The following STIM1 variants were observed in gnomAD, a reference collection of about 807,000 sequenced individuals.
STIM1 encodes stromal interaction molecule 1.
STIM1 carries 25 observed loss-of-function variants against 74.7 expected under a neutral mutation model. The observed-to-expected ratio is 0.33, with a 90% CI of 0.24 to 0.47. The LOEUF (loss-of-function observed/expected upper bound fraction) is 0.47. Among genes scored for constraint, STIM1 ranks in the 20% least tolerant of loss-of-function variants. The pLI, the probability that STIM1 is intolerant of heterozygous loss-of-function variation, is 1.00. For missense variants in STIM1, 728 were observed against 920.8 expected, an observed-to-expected ratio of 0.79 and a Z score of 2.71; for synonymous variants, 328 against 348.8, an observed-to-expected ratio of 0.94 and a Z score of 0.66.
intron 1 of STIM1, among the ~76,000 whole-genome samples, chr11:3,883,348 TTTTG>T (rs1180846760): frequency 6.6e-6 from 1 of 152,130 alleles, no homozygotes; most frequent in African/African-American, 2.4e-5. Flanking sequence ...ACACCATTTT[TTTTG>T]TTTGTTTGTT....
chr11:3,897,669 C>A, intron 1 of STIM1, among the ~76,000 whole-genome samples: 1 of 152,028 alleles, frequency 6.6e-6, no homozygotes, highest in South Asian at 2.1e-4. Flanking sequence ...CCCCGCCACG[C>A]CCACCCCACA....
At chr11:4,047,282 C>T (rs2094200595) in intron 3 of STIM1, among the ~76,000 whole-genome samples, 1 of 152,118 alleles carries the variant, frequency 6.6e-6, no homozygotes. Context: ...GAGTTCTAGA[C>T]CAGCCTGGGC....
intron 1 of STIM1, among the ~76,000 whole-genome samples, chr11:3,886,417 G>A (rs915839070): frequency 2.0e-5 from 3 of 152,076 alleles, no homozygotes; most frequent in Non-Finnish European, 4.4e-5. Flanking sequence ...GGCTGGGCGC[G>A]GTGGCTCACG....
Position 4,091,887 on chromosome 11 carries a change from C to T in STIM1, c.*89C>T. 3 of 1,558,974 alleles carry T rather than the reference C, an allele frequency of 1.9e-6. No homozygotes were observed. Among genetic ancestry groups the T allele is most frequent in the South Asian group, 1.1e-5 (1 of 87,740 alleles). ...TCCCTTCCTTCAAGATAACTGGCCC[C>T]AAGAGTGGGGCATGGGAAGGGCTGG... On this transcript the variant is annotated 3_prime_UTR_variant, in exon 13 of 13. Coordinates refer to ENST00000526596, the MANE Select transcript of STIM1 (RefSeq NM_001382567.1).
At chr11:4,012,000 T>C (rs2093841781) in intron 2 of STIM1, among the ~76,000 whole-genome samples, 1 of 152,222 alleles carries the variant, frequency 6.6e-6, no homozygotes. Context: ...CCATTGCTTG[T>C]TTTTGACAGG....
chr11:3,962,123 A>G (rs1162180980), intron 1 of STIM1, among the ~76,000 whole-genome samples: 2 of 152,180 alleles, frequency 1.3e-5, no homozygotes, highest in Admixed American at 1.3e-4. Context: ...GTTTTGTTAC[A>G]TGGGTATATT....
intron 2 of STIM1, among the ~76,000 whole-genome samples, chr11:3,988,820 C>T (rs1249550306): frequency 2.0e-5 from 3 of 152,170 alleles, no homozygotes; most frequent in Non-Finnish European, 2.9e-5. Context: ...GCTGCTGACT[C>T]CATATTGTCA....
intron 12 of STIM1, among the ~76,000 whole-genome samples, chr11:4,089,953 CCT>C (rs142946623): frequency 6.6e-6 from 1 of 152,298 alleles, no homozygotes; most frequent in East Asian, 1.9e-4. Context: ...TCCATATCTA[CCT>C]TTTTGTCTGT....
intron 2 of STIM1, among the ~76,000 whole-genome samples, chr11:4,004,931 C>G (rs1466021222): frequency 1.3e-5 from 2 of 152,162 alleles, no homozygotes; most frequent in Non-Finnish European, 2.9e-5. Flanking sequence ...AGGATATGAA[C>G]AGACACTTCT....
In STIM1 at chr11:3,856,541, C is replaced by A. The variant is rs186532551; in HGVS notation, c.139+132C>A. The A allele has an allele frequency of 1.9e-5, 21 of 1,134,072 alleles. No individual in the cohort carries two copies. In the East Asian group the frequency reaches 5.4e-4, roughly 29 times the overall value. 70.3% of individuals were successfully genotyped at this position (1,134,072 alleles called of 1,614,324 possible). ...GGATTCACACATGGCACTGCCTGTT[C>A]CAAGTAGTTCAAGAAGTTCTTTCTG... On this transcript the variant is annotated intron_variant, in intron 1 of 12. Coordinates refer to ENST00000526596, the MANE Select transcript of STIM1 (RefSeq NM_001382567.1).
chr11:3,887,336 T>G (rs558987299), intron 1 of STIM1, among the ~76,000 whole-genome samples: 58 of 152,350 alleles, frequency 3.8e-4, no homozygotes, highest in African/African-American at 1.3e-3. Context: ...AGCCTGGCCT[T>G]GCACTGGGCA....
At position 4,019,610 on chromosome 11, in the gene STIM1, C is replaced by T. The variant is rs140147953; in HGVS notation, c.271-4263C>T. On this transcript the variant is annotated intron_variant, in intron 2 of 12. Coordinates refer to ENST00000526596, the MANE Select transcript of STIM1 (RefSeq NM_001382567.1). Reference sequence around the variant, plus strand: ...GGATCACCCAGCCTGGGTGACAGAGCGAGACACTGTCTCAAAAACAACAAC... The same window carrying T: ...GGATCACCCAGCCTGGGTGACAGAGTGAGACACTGTCTCAAAAACAACAAC... 5.0e-3 allele frequency among the ~76,000 whole-genome samples: 753 copies of T among 151,976 alleles called. 4 individuals are homozygous for T. The highest frequency in any genetic ancestry group is 0.016 in the African/African-American group (673 of 41,428).
intron 1 of STIM1, among the ~76,000 whole-genome samples, chr11:3,960,073 A>G (rs754670025): frequency 7.9e-5 from 12 of 152,268 alleles, no homozygotes; most frequent in Non-Finnish European, 2.9e-5. Flanking sequence ...ATAAGTATGC[A>G]TAAAGCATTT....
At chr11:3,886,987 G>A (rs548011684) in intron 1 of STIM1, among the ~76,000 whole-genome samples, 2 of 151,572 alleles carry the variant, frequency 1.3e-5, no homozygotes, top group East Asian at 3.9e-4. Context: ...TGGCGACAGA[G>A]CAAGACTCTG....
At chr11:3,895,726 C>T (rs1163117906) in intron 1 of STIM1, among the ~76,000 whole-genome samples, 1 of 38,672 alleles carries the variant, frequency 2.6e-5, no homozygotes, top group South Asian at 1.1e-3. Context: ...TTCTTTCTTT[C>T]TTTCTTTCTT....
At chr11:3,879,352 CT>C (rs1410700769) in intron 1 of STIM1, among the ~76,000 whole-genome samples, 12 of 152,298 alleles carry the variant, frequency 7.9e-5, no homozygotes, top group Middle Eastern at 6.8e-3. Flanking sequence ...GTTTTTCTGA[CT>C]TATTCCAGGG....
intron 2 of STIM1, among the ~76,000 whole-genome samples, chr11:4,020,356 T>C: frequency 6.6e-6 from 1 of 152,212 alleles, no homozygotes; most frequent in Non-Finnish European, 1.5e-5. Context: ...CTATTTTTCA[T>C]GTTTTGAGGA....
At chr11:4,086,166 C>G (rs914733425) in intron 11 of STIM1, 1 of 437,062 alleles carries the variant, frequency 2.3e-6, no homozygotes, top group Non-Finnish European at 4.2e-6. Context: ...GACCTTATCC[C>G]AAGCCCCTAT....
At chr11:3,926,279 C>T (rs554848177) in intron 1 of STIM1, among the ~76,000 whole-genome samples, 3 of 152,292 alleles carry the variant, frequency 2.0e-5, no homozygotes, top group Admixed American at 6.5e-5. Flanking sequence ...GAGCTCCCAT[C>T]TCTATTCTCA....
Sources: allele counts gnomAD v4.1 joint callset (sites outside exome capture counted in the v4.1 genomes callset), GRCh38; gene constraint gnomAD v4.1.1; transcripts MANE v1.5; gene names NCBI Gene and HGNC (gene_info 2026-07-23, HGNC 2026-07-21).